ACVR1: variants seen among roughly 807,000 people sequenced by gnomAD.
ACVR1 encodes activin A receptor type 1.
In ACVR1, 38 loss-of-function variants were observed where a neutral mutation model predicts 57.1. The ratio of observed to expected loss-of-function variants is 0.67; its 90% CI spans 0.51 to 0.87. The LOEUF (loss-of-function observed/expected upper bound fraction) is 0.87. Ranked by LOEUF, ACVR1 falls within the 40% of genes least tolerant of loss-of-function variation. ACVR1 has a pLI of 0.00. For missense variants in ACVR1, 463 were observed against 638.2 expected, an observed-to-expected ratio of 0.73 and a Z score of 2.96; for synonymous variants, 212 against 228.1, an observed-to-expected ratio of 0.93 and a Z score of 0.63.
intron 3 of ACVR1, among the ~76,000 whole-genome samples, chr2:157,785,527 C>A (rs1294976317): frequency 6.6e-6 from 1 of 152,186 alleles, no homozygotes; most frequent in Non-Finnish European, 1.5e-5. Context: ...ACACAAAGGT[C>A]CGTCTGGAAT....
At chr2:157,782,153 T>C (rs1459630013) in intron 3 of ACVR1, among the ~76,000 whole-genome samples, 1 of 152,182 alleles carries the variant, frequency 6.6e-6, no homozygotes, top group Non-Finnish European at 1.5e-5. Flanking sequence ...GAGAAAAGCA[T>C]TCTTAATCTT....
At chr2:157,759,949 CATA>C (rs1384008836) in intron 9 of ACVR1, among the ~76,000 whole-genome samples, 1 of 151,960 alleles carries the variant, frequency 6.6e-6, no homozygotes, top group African/African-American at 2.4e-5. Flanking sequence ...CATACTTCAA[CATA>C]ATAAGGGCCA....
chr2:157,808,211 C>A (rs1053830871), intron 2 of ACVR1, among the ~76,000 whole-genome samples: 4 of 152,166 alleles, frequency 2.6e-5, no homozygotes, highest in Admixed American at 2.6e-4. Flanking sequence ...CTTCCACACA[C>A]CAAAATGTAA....
intron 9 of ACVR1, among the ~76,000 whole-genome samples, chr2:157,739,727 TG>T (rs1684679927): frequency 6.6e-6 from 1 of 152,156 alleles, no homozygotes; most frequent in Admixed American, 6.5e-5. Flanking sequence ...TACTCAACAG[TG>T]GGAATCCATC....
chr2:157,773,984 A>G (rs530661258), intron 6 of ACVR1, 104 bp downstream of exon 6: 13 of 940,108 alleles, frequency 1.4e-5, no homozygotes, highest in Admixed American at 1.2e-4. Context: ...TTTAATAAGG[A>G]AACAACAGGT....
intron 7 of ACVR1, 138 bp from the exon 8 acceptor site, chr2:157,766,334 T>C: frequency 1.2e-6 from 1 of 855,028 alleles, no homozygotes; most frequent in Non-Finnish European, 1.9e-6. Flanking sequence ...TAAGAGGAGG[T>C]TTACAGAAGC....
intron 2 of ACVR1, among the ~76,000 whole-genome samples, chr2:157,817,126 A>AT (rs898213432): frequency 4.1e-4 from 62 of 150,024 alleles, no homozygotes; most frequent in African/African-American, 1.2e-3. Flanking sequence ...CACCTGGCTA[A>AT]TTTTTTTTTT....
intron 1 of ACVR1, chr2:157,874,798 C>T (rs1225702695): frequency 1.3e-5 from 2 of 152,170 alleles, no homozygotes; most frequent in Non-Finnish European, 2.9e-5. Context: ...CATCATCTAA[C>T]TCTTATCATA....
chr2:157,847,112 C>G, intron 1 of ACVR1, among the ~76,000 whole-genome samples: 1 of 152,188 alleles, frequency 6.6e-6, no homozygotes, highest in East Asian at 1.9e-4. Flanking sequence ...TGATGTTGCA[C>G]AGGAGAGTAT....
intron 2 of ACVR1, among the ~76,000 whole-genome samples, chr2:157,802,104 T>C (rs955968961): frequency 1.3e-5 from 2 of 152,164 alleles, no homozygotes; most frequent in Admixed American, 6.5e-5. Flanking sequence ...TGAGACTTTC[T>C]GGAGGGTGCA....
chr2:157,807,325 G>C (rs1283078759), intron 2 of ACVR1, among the ~76,000 whole-genome samples: 1 of 152,188 alleles, frequency 6.6e-6, no homozygotes, highest in African/African-American at 2.4e-5. Flanking sequence ...AGAATCCAGT[G>C]TTTTGATCAC....
At chr2:157,818,115 A>C (rs1254933321) in intron 2 of ACVR1, among the ~76,000 whole-genome samples, 3 of 152,170 alleles carry the variant, frequency 2.0e-5, no homozygotes, top group Non-Finnish European at 4.4e-5. Flanking sequence ...TATTTGAAAA[A>C]CTTGGCCAAA....
At chr2:157,858,509 T>C (rs1689613530) in intron 1 of ACVR1, among the ~76,000 whole-genome samples, 1 of 152,198 alleles carries the variant, frequency 6.6e-6, no homozygotes. Flanking sequence ...TCTTGCTCTG[T>C]CACCCAAGCT....
At chr2:157,755,213 T>C (rs1007484286) in intron 9 of ACVR1, among the ~76,000 whole-genome samples, 3 of 151,982 alleles carry the variant, frequency 2.0e-5, no homozygotes, top group African/African-American at 7.2e-5. Flanking sequence ...GATAAGGATG[T>C]CCACTCTCAC....
intron 3 of ACVR1, among the ~76,000 whole-genome samples, chr2:157,787,968 C>T (rs901340365): frequency 5.9e-5 from 9 of 152,128 alleles, no homozygotes; most frequent in African/African-American, 2.2e-4. Context: ...TTACCATCAG[C>T]GAGCCTCCAC....
chr2:157,828,449 C>CAAAA (rs369753645), intron 1 of ACVR1, among the ~76,000 whole-genome samples: 148 of 83,956 alleles, frequency 1.8e-3, no homozygotes, highest in Non-Finnish European at 2.5e-3. Context: ...GACTCCGTCT[C>CAAAA]AAAAAAAAAA....
chr2:157,761,496 A>G (rs926728607), intron 8 of ACVR1, among the ~76,000 whole-genome samples: 2 of 152,202 alleles, frequency 1.3e-5, no homozygotes, highest in African/African-American at 4.8e-5. Flanking sequence ...AATTTCCAAC[A>G]GTGTGAGATA....
chr2:157,774,140 A>G lies in ACVR1; in HGVS notation c.591T>C (p.Pro197=). ...GAGCCACTGTTCTTTGTACCAGAAA[A>G]GGAAGACCAGAGCCACTTCCTGATG... ...SCTSGSGSGL[P]FLVQRTVARQ... Residue 197 remains proline (P), a synonymous_variant, in exon 6 of 11, where the codon CCT becomes CCC. Coordinates refer to ENST00000434821, the MANE Select transcript of ACVR1 (RefSeq NM_001111067.4). 2 of 1,614,162 alleles carry G rather than the reference A, an allele frequency of 1.2e-6. No individual in the cohort carries two copies. The highest frequency in any genetic ancestry group is 1.7e-6 in the Non-Finnish European group (2 of 1,179,998).
chr2:157,775,309 C>A (rs1225390580), intron 5 of ACVR1, among the ~76,000 whole-genome samples: 1 of 152,190 alleles, frequency 6.6e-6, no homozygotes, highest in African/African-American at 2.4e-5. Flanking sequence ...CCAGTTAGTT[C>A]ATTGATAAGG....
Sources: allele counts gnomAD v4.1 joint callset (sites outside exome capture counted in the v4.1 genomes callset), GRCh38; gene constraint gnomAD v4.1.1; transcripts MANE v1.5; gene names NCBI Gene and HGNC (gene_info 2026-07-23, HGNC 2026-07-21).